LPCAT2: variants seen among roughly 807,000 people sequenced by gnomAD.
LPCAT2 encodes the protein 1-AGP acyltransferase 11.
Under a neutral mutation model 64.7 loss-of-function variants are expected in LPCAT2, and 58 were observed. The ratio of observed to expected loss-of-function variants is 0.90; its 90% CI spans 0.73 to 1.12. LPCAT2 has a LOEUF of 1.12. LPCAT2 is among the 50% of genes most tolerant of loss of function. LPCAT2 has a pLI of 0.00. For missense variants in LPCAT2, 579 were observed against 669.8 expected (o/e 0.86, Z 1.50); for synonymous variants, 252 against 245.3 (o/e 1.03, Z -0.26).
intron 9 of LPCAT2, 131 bp from the exon 10 acceptor site, chr16:55,549,146 G>C (rs1223549659): frequency 1.6e-6 from 1 of 628,784 alleles, no homozygotes; most frequent in Admixed American, 4.0e-5. Context: ...AGAAAAGCGA[G>C]AGTTACTGGT....
At chr16:55,550,690 C>T (rs541562940) in intron 10 of LPCAT2, among the ~76,000 whole-genome samples, 8 of 152,156 alleles carry the variant, frequency 5.3e-5, no homozygotes, top group South Asian at 4.1e-4. Flanking sequence ...CCGAGGCAGG[C>T]GGATCACGAG....
intron 7 of LPCAT2, among the ~76,000 whole-genome samples, chr16:55,535,237 G>A (rs562039409): frequency 6.6e-6 from 1 of 152,250 alleles, no homozygotes; most frequent in East Asian, 1.9e-4. Context: ...TAACATTGTT[G>A]ATGGGTAGGT....
chr16:55,543,276 G>C (rs1368265143), intron 8 of LPCAT2, among the ~76,000 whole-genome samples: 1 of 152,108 alleles, frequency 6.6e-6, no homozygotes, highest in Non-Finnish European at 1.5e-5. Context: ...GCCAATATGA[G>C]AGTTATTAAA....
intron 2 of LPCAT2, among the ~76,000 whole-genome samples, chr16:55,527,254 C>A (rs1186749556): frequency 6.6e-6 from 1 of 151,966 alleles, no homozygotes; most frequent in Non-Finnish European, 1.5e-5. Context: ...AAAGCTGAGG[C>A]AGGCGGATCA....
chr16:55,527,086 G>A (rs1454841477), intron 2 of LPCAT2, among the ~76,000 whole-genome samples: 1 of 152,098 alleles, frequency 6.6e-6, no homozygotes, highest in Non-Finnish European at 1.5e-5. Context: ...AAGAAAGGGA[G>A]GTACAGTTTC....
chr16:55,570,807 G>C (rs1410612051), intron 11 of LPCAT2, among the ~76,000 whole-genome samples: 4 of 152,024 alleles, frequency 2.6e-5, no homozygotes, highest in African/African-American at 9.7e-5. Context: ...TATGTATATG[G>C]GTAGAAATAT....
At chr16:55,537,766 G>C in intron 8 of LPCAT2, 134 bp downstream of exon 8, 2 of 665,246 alleles carry the variant, frequency 3.0e-6, no homozygotes, top group South Asian at 2.1e-5. Flanking sequence ...AACCTAGGCT[G>C]TCAGATTTAG....
At chr16:55,509,922 G>T (rs574470461) in intron 1 of LPCAT2, among the ~76,000 whole-genome samples, 1 of 148,400 alleles carries the variant, frequency 6.7e-6, no homozygotes, top group South Asian at 2.2e-4. Context: ...TGTGACAGAA[G>T]CTTCAACTTG....
rs771408272 is a variant in LPCAT2, at chr16:55,529,833, A to G, written c.530-2A>G. On this transcript the variant is annotated splice_acceptor_variant, in intron 3 of 13. Transcript: ENST00000262134. LOFTEE classifies it high-confidence loss of function. ...GCCTGTAACTTTTCATTTGTTTTAA[A>G]GGACTGTTACGGGCTGTGCAACCAG... 1 of 1,591,220 alleles carries G rather than the reference A, an allele frequency of 6.3e-7. No individual in the cohort carries two copies. The highest frequency in any genetic ancestry group is 8.6e-7 in the Non-Finnish European group (1 of 1,168,540).
At chr16:55,532,390 T>C (rs1164254860) in intron 5 of LPCAT2, 1 of 162,870 alleles carries the variant, frequency 6.1e-6, no homozygotes, top group African/African-American at 2.4e-5. Context: ...GTTTTTGTAT[T>C]AGCTGCCAGA....
intron 12 of LPCAT2, among the ~76,000 whole-genome samples, chr16:55,578,806 C>T (rs977359166): frequency 3.3e-5 from 5 of 152,164 alleles, no homozygotes; most frequent in African/African-American, 1.2e-4. Flanking sequence ...TAAGACCCAA[C>T]TCAAATGTCA....
At chr16:55,562,770 G>A (rs1347271365) in intron 11 of LPCAT2, among the ~76,000 whole-genome samples, 5 of 151,636 alleles carry the variant, frequency 3.3e-5, no homozygotes, top group African/African-American at 7.3e-5. Flanking sequence ...TTGTAGATTC[G>A]AAATTGAGAC....
intron 11 of LPCAT2, chr16:55,566,725 T>C (rs1596882933): frequency 6.3e-7 from 1 of 1,575,546 alleles, no homozygotes; most frequent in Non-Finnish European, 8.6e-7. Flanking sequence ...ATCTCTAAGA[T>C]TGCTGCCGCA....
At chr16:55,519,040 G>C (rs1201528989) in intron 1 of LPCAT2, among the ~76,000 whole-genome samples, 4 of 152,080 alleles carry the variant, frequency 2.6e-5, no homozygotes, top group Non-Finnish European at 5.9e-5. Context: ...GATAAGAGTA[G>C]AGTGTTCAAA....
At chr16:55,540,771 G>T (rs1366972637) in intron 8 of LPCAT2, 3 of 204,094 alleles carry the variant, frequency 1.5e-5, no homozygotes, top group Non-Finnish European at 3.0e-5. Flanking sequence ...CCCAGTGAAT[G>T]CCTGAAACTG....
chr16:55,533,646 C>T (rs372989048), intron 6 of LPCAT2, among the ~76,000 whole-genome samples: 5 of 152,002 alleles, frequency 3.3e-5, no homozygotes, highest in South Asian at 2.1e-4. Flanking sequence ...CTCCTGACCT[C>T]AAGTAATCCA....
intron 6 of LPCAT2, among the ~76,000 whole-genome samples, chr16:55,533,808 A>G (rs1046446272): frequency 2.6e-5 from 4 of 151,942 alleles, no homozygotes; most frequent in Non-Finnish European, 5.9e-5. Flanking sequence ...TTTTACCACC[A>G]TTTTCCTAAA....
At chr16:55,535,746 G>C (rs1479237362) in intron 7 of LPCAT2, among the ~76,000 whole-genome samples, 1 of 152,172 alleles carries the variant, frequency 6.6e-6, no homozygotes, top group Non-Finnish European at 1.5e-5. Context: ...ACTTTCTGAG[G>C]TGTGCCATCC....
intron 1 of LPCAT2, among the ~76,000 whole-genome samples, chr16:55,515,144 A>T (rs1230909639): frequency 2.6e-5 from 4 of 152,192 alleles, no homozygotes; most frequent in African/African-American, 9.7e-5. Flanking sequence ...GAATATTAGA[A>T]GAAATAATGC....
Sources: allele counts gnomAD v4.1 joint callset (sites outside exome capture counted in the v4.1 genomes callset), GRCh38; gene constraint gnomAD v4.1.1; transcripts MANE v1.5; gene names NCBI Gene and HGNC (gene_info 2026-07-23, HGNC 2026-07-21).